Variants in ABCC11 observed in about 807,000 individuals in gnomAD.
ABCC11 encodes ATP-binding cassette sub-family C member 11.
A neutral mutation model predicts 149.3 loss-of-function variants in ABCC11; 135 were observed. The observed-to-expected ratio is 0.90, with a 90% CI of 0.79 to 1.04. The LOEUF is 1.04. Among genes scored for constraint, ABCC11 ranks in the 50% least tolerant of loss-of-function variants. The pLI is 0.00. For missense variants in ABCC11, 1,680 were observed against 1,722.1 expected, an observed-to-expected ratio of 0.98 and a Z score of 0.43; for synonymous variants, 665 against 671.4, an observed-to-expected ratio of 0.99 and a Z score of 0.15.
chr16:48,232,161 T>G, intron 1 of ABCC11: 1 of 1,140,568 alleles, frequency 8.8e-7, no homozygotes. Flanking sequence ...TGAAACCTTC[T>G]CTAACCACCC....
chr16:48,171,190 C>T (rs1458128605), intron 26 of ABCC11, among the ~76,000 whole-genome samples: 1 of 152,184 alleles, frequency 6.6e-6, no homozygotes, highest in Non-Finnish European at 1.5e-5. Flanking sequence ...CCCCAGTCCC[C>T]CAGCCCATGT....
chr16:48,231,533 T>A (rs1346814395), intron 2 of ABCC11, among the ~76,000 whole-genome samples: 1 of 151,828 alleles, frequency 6.6e-6, no homozygotes, highest in East Asian at 1.9e-4. Flanking sequence ...CGTAGTGGTA[T>A]GTGCCTATAG....
chr16:48,205,070 A>C (rs1968311778), intron 13 of ABCC11, among the ~76,000 whole-genome samples: 1 of 152,240 alleles, frequency 6.6e-6, no homozygotes, highest in Non-Finnish European at 1.5e-5. Flanking sequence ...ATGAAGTTCA[A>C]ATGTAGCAAT....
Position 48,175,320 on chromosome 16 carries a change from C to A in ABCC11, c.3636G>T (p.Glu1212Asp). ...TCACTGAGAGCTTGGACCGCAAGTC[C>A]TCCAGGCCGATGCTGCAAATGTCCA... ...DGVDICSIGLEDLRSKLSVIP... is the reference protein window; with the variant it reads ...DGVDICSIGLDDLRSKLSVIP... Residue 1212 changes from glutamate (E) to aspartate (D), a missense_variant, in exon 26 of 30, where the codon GAG (glutamate) becomes GAT (aspartate). By Grantham distance (45) the Glu-to-Asp change is conservative. Transcript: ENST00000356608. 2 of 1,614,180 alleles carry A rather than the reference C, an allele frequency of 1.2e-6. No individual in the cohort carries two copies. The highest frequency in any genetic ancestry group is 1.7e-6 in the Non-Finnish European group (2 of 1,179,992).
rs547268074 is a variant in ABCC11, at chr16:48,192,406, T to C, written c.2706+114A>G. On this transcript the variant is annotated intron_variant, in intron 20 of 29. Transcript: ENST00000356608. ...TTGCCATGAGTGGAGATTGTGCCAC[T>C]GCACTCCAGCCTGGGCTACAGAGCT... is the stretch of plus-strand genomic sequence containing the variant. The C allele has an allele frequency of 1.2e-3, 1,405 of 1,179,996 alleles. 1 individual carries two copies. Among genetic ancestry groups the C allele is most frequent in the Non-Finnish European group, 1.3e-3 (1,086 of 858,506 alleles). 73.1% of individuals were successfully genotyped at this position (1,179,996 alleles called of 1,614,324 possible).
chr16:48,178,522 G>T, intron 24 of ABCC11, 75 bp downstream of exon 24: 2 of 1,415,522 alleles, frequency 1.4e-6, no homozygotes, highest in East Asian at 2.3e-5. Context: ...TGAGGCCAGT[G>T]GGGCTTGTAG....
chr16:48,192,488 C>A, intron 20 of ABCC11, 32 bp downstream of exon 20: 1 of 1,610,660 alleles, frequency 6.2e-7, no homozygotes. Context: ...CAGAGCTCAG[C>A]CTTCGGCCCC....
At chr16:48,211,311 T>A (rs1008898541) in intron 10 of ABCC11, 112 bp from the exon 11 acceptor site, 10 of 1,362,122 alleles carry the variant, frequency 7.3e-6, no homozygotes, top group Non-Finnish European at 1.0e-6. Flanking sequence ...GAATTTCTAA[T>A]AAGCAGTAAA....
chr16:48,237,657 G>T (rs192122031), intron 1 of ABCC11, among the ~76,000 whole-genome samples: 1 of 152,128 alleles, frequency 6.6e-6, no homozygotes, highest in African/African-American at 2.4e-5. Context: ...TTTAGAGTAA[G>T]ACCCAAACTC....
intron 23 of ABCC11, among the ~76,000 whole-genome samples, chr16:48,180,430 G>C (rs954779786): frequency 6.6e-6 from 1 of 152,182 alleles, no homozygotes; most frequent in Non-Finnish European, 1.5e-5. Flanking sequence ...ACGATCAAGG[G>C]TTCATGCTAG....
chr16:48,215,977 G>A, intron 7 of ABCC11, 137 bp downstream of exon 7: 3 of 904,576 alleles, frequency 3.3e-6, no homozygotes, highest in Non-Finnish European at 5.1e-6. Flanking sequence ...TTTGAAGTAG[G>A]GAGTGGAGCT....
At chr16:48,240,327 TG>T (rs890388636) in intron 1 of ABCC11, among the ~76,000 whole-genome samples, 1 of 152,300 alleles carries the variant, frequency 6.6e-6, no homozygotes, top group Non-Finnish European at 1.5e-5. Flanking sequence ...ATGCACACCA[TG>T]GAATACTATG....
At chr16:48,200,196 G>T in intron 15 of ABCC11, 80 bp downstream of exon 15, 1 of 1,442,876 alleles carries the variant, frequency 6.9e-7, no homozygotes. Flanking sequence ...GGCTGTTATT[G>T]AATCACACTC....
At chr16:48,194,755 T>C (rs1967239395) in intron 18 of ABCC11, among the ~76,000 whole-genome samples, 2 of 152,242 alleles carry the variant, frequency 1.3e-5, no homozygotes, top group African/African-American at 4.8e-5. Context: ...AGGCGCCATC[T>C]TGGAAGTAGA....
At chr16:48,227,993 G>T in intron 3 of ABCC11, 29 bp from the exon 4 acceptor site, 1 of 1,578,266 alleles carries the variant, frequency 6.3e-7, no homozygotes, top group East Asian at 2.3e-5. Flanking sequence ...GGATAAGAAT[G>T]AATTCAGGAT....
At chr16:48,232,554 T>A (rs933029599) in intron 1 of ABCC11, among the ~76,000 whole-genome samples, 37 of 150,848 alleles carry the variant, frequency 2.5e-4, no homozygotes, top group South Asian at 8.4e-4. Context: ...GTTCTTTTTT[T>A]AAAAAAAAAA....
intron 14 of ABCC11, 87 bp from the exon 15 acceptor site, chr16:48,200,566 A>G: frequency 1.4e-6 from 2 of 1,396,118 alleles, no homozygotes; most frequent in Non-Finnish European, 2.0e-6. Context: ...AGCAGACAGA[A>G]CCCCCTCAGT....
chr16:48,187,540 C>T, intron 20 of ABCC11, 113 bp from the exon 21 acceptor site: 1 of 852,236 alleles, frequency 1.2e-6, no homozygotes, highest in Non-Finnish European at 1.8e-6. Flanking sequence ...CAGGGGTCTC[C>T]AGGGCAGGCA....
chr16:48,216,013 G>A, intron 7 of ABCC11, 101 bp downstream of exon 7: 1 of 1,278,574 alleles, frequency 7.8e-7, no homozygotes, highest in Admixed American at 1.9e-5. Context: ...TGGATTGAAA[G>A]GTCAACAAGA....
Sources: gnomAD v4.1 joint callset for allele counts (sites outside exome capture counted in the v4.1 genomes callset) on GRCh38, gnomAD v4.1.1 for gene constraint, MANE v1.5 for transcripts, NCBI Gene and HGNC (gene_info 2026-07-23, HGNC 2026-07-21) for gene names.